AGBL1: variants seen among roughly 807,000 people sequenced by gnomAD.
AGBL1 encodes the protein cytosolic carboxypeptidase 4.
Under a neutral mutation model 118.9 loss-of-function variants are expected in AGBL1, and 130 were observed. That is an observed-to-expected ratio of 1.09 (90% confidence interval 0.95 to 1.26). The LOEUF (loss-of-function observed/expected upper bound fraction) is 1.26, where lower values mean the gene tolerates loss of function less well. Among genes scored for constraint, AGBL1 ranks in the 50% most tolerant of loss-of-function variants. The pLI is 0.00. For missense variants in AGBL1, 1,584 were observed against 1,298.1 expected, an observed-to-expected ratio of 1.22 and a Z score of -3.38; for synonymous variants, 555 against 478.9, an observed-to-expected ratio of 1.16 and a Z score of -2.08.
chr15:86,454,819 T>C (rs1397369588), intron 18 of AGBL1, among the ~76,000 whole-genome samples: 1 of 152,198 alleles, frequency 6.6e-6, no homozygotes, highest in Non-Finnish European at 1.5e-5. Context: ...ATTACAGAGA[T>C]GTACCCGCTT....
intron 18 of AGBL1, among the ~76,000 whole-genome samples, chr15:86,419,467 A>G (rs2081754183): frequency 6.6e-6 from 1 of 152,070 alleles, no homozygotes; most frequent in Non-Finnish European, 1.5e-5. Flanking sequence ...CAACCGGCAG[A>G]CCAGGAGAAT....
intron 17 of AGBL1, among the ~76,000 whole-genome samples, chr15:86,349,459 A>G (rs1040647887): frequency 1.3e-5 from 2 of 152,064 alleles, no homozygotes; most frequent in Non-Finnish European, 2.9e-5. Context: ...TATGTTTGCA[A>G]TTTCTCACCT....
intron 18 of AGBL1, among the ~76,000 whole-genome samples, chr15:86,489,512 C>G (rs1832947909): frequency 6.6e-6 from 1 of 152,004 alleles, no homozygotes; most frequent in Admixed American, 6.6e-5. Flanking sequence ...AGAATAAAAC[C>G]AGAAGGAGCA....
chr15:86,902,938 G>A (rs1453760711), intron 22 of AGBL1, among the ~76,000 whole-genome samples: 1 of 152,066 alleles, frequency 6.6e-6, no homozygotes, highest in Non-Finnish European at 1.5e-5. Flanking sequence ...TGTATCTGTA[G>A]GTTTATGTCC....
intron 15 of AGBL1, among the ~76,000 whole-genome samples, chr15:86,279,278 G>A (rs1166756511): frequency 1.3e-5 from 2 of 152,192 alleles, no homozygotes; most frequent in East Asian, 3.9e-4. Flanking sequence ...GGGTGATAAA[G>A]TTTATGTCTC....
At chr15:86,139,059 A>G (rs904671710) in intron 1 of AGBL1, among the ~76,000 whole-genome samples, 12 of 152,212 alleles carry the variant, frequency 7.9e-5, no homozygotes, top group African/African-American at 2.9e-4. Flanking sequence ...ACACGTATAT[A>G]TCACAGTTGC....
At chr15:86,545,807 G>A (rs576364385) in intron 19 of AGBL1, among the ~76,000 whole-genome samples, 195 bp from the exon 20 acceptor site, 15 of 152,122 alleles carry the variant, frequency 9.9e-5, no homozygotes, top group South Asian at 4.1e-4. Context: ...TAACTCCATC[G>A]ATACAATCAA....
At chr15:86,836,245 C>T (rs1000926130) in intron 22 of AGBL1, among the ~76,000 whole-genome samples, 1 of 152,098 alleles carries the variant, frequency 6.6e-6, no homozygotes, top group Non-Finnish European at 1.5e-5. Context: ...GTTCAATAGG[C>T]CCCATGGGTA....
chr15:86,925,108 G>GTCT (rs2080518054), intron 23 of AGBL1, among the ~76,000 whole-genome samples: 1 of 66,248 alleles, frequency 1.5e-5, no homozygotes, highest in African/African-American at 4.8e-5. Flanking sequence ...TCAAGAAGAA[G>GTCT]AAGAAGAAGA....
Position 86,386,869 on chromosome 15 carries a change from A to G in AGBL1, c.2375-10497A>G, listed in dbSNP as rs565921167. Among the ~76,000 whole-genome samples, 203 of 152,300 alleles carry G rather than the reference A, an allele frequency of 1.3e-3. 1 individual carries two copies. The highest frequency in any genetic ancestry group is 4.8e-3 in the African/African-American group (198 of 41,570). On this transcript the variant is annotated intron_variant, in intron 17 of 22. Transcript: ENST00000614907. ...GTGCCTGTTGCATCACAAGACCTCA[A>G]TAAATAAATATTCTTTGAATGAATG...
intron 1 of AGBL1, among the ~76,000 whole-genome samples, chr15:86,141,056 T>C (rs1460111445): frequency 6.6e-6 from 1 of 152,172 alleles, no homozygotes; most frequent in East Asian, 1.9e-4. Context: ...CCTCCAAATA[T>C]CTTACAGTGC....
intron 24 of AGBL1, among the ~76,000 whole-genome samples, chr15:87,005,707 C>T (rs2081492145): frequency 6.6e-6 from 1 of 152,188 alleles, no homozygotes; most frequent in African/African-American, 2.4e-5. Context: ...GTCATTCTCT[C>T]TCTGTCCAGC....
chr15:86,898,462 G>A (rs1298926664), intron 22 of AGBL1, among the ~76,000 whole-genome samples: 2 of 152,272 alleles, frequency 1.3e-5, no homozygotes, highest in East Asian at 1.9e-4. Flanking sequence ...TGAATAGGTA[G>A]TCTTTTTCCC....
In AGBL1 at chr15:86,257,947, T is replaced by G; in HGVS notation, c.902-17T>G. ...AAGGGGAAACTTCACTTATTTCACC[T>G]CTTTTTCCCCATCCAGAGGATTTTG... is the stretch of plus-strand genomic sequence containing the variant. On this transcript the variant is annotated splice_polypyrimidine_tract_variant and intron_variant, in intron 8 of 22. Coordinates refer to ENST00000614907, the MANE Select transcript of AGBL1 (RefSeq NM_001386094.1). 6.2e-7 allele frequency: 1 copy of G among 1,611,794 alleles called. No homozygotes were observed. The highest frequency in any genetic ancestry group is 8.5e-7 in the Non-Finnish European group (1 of 1,179,116).
At chr15:86,880,666 AG>A (rs1030806577) in intron 22 of AGBL1, among the ~76,000 whole-genome samples, 7 of 151,680 alleles carry the variant, frequency 4.6e-5, no homozygotes, top group Non-Finnish European at 1.0e-4. Flanking sequence ...TGTGGATGTG[AG>A]TGGGTGTGGA....
chr15:86,307,085 T>C (rs1246064137), intron 17 of AGBL1, among the ~76,000 whole-genome samples: 1 of 152,056 alleles, frequency 6.6e-6, no homozygotes, highest in African/African-American at 2.4e-5. Flanking sequence ...CAGAGGGGAG[T>C]TTTAAAAAAT....
chr15:86,970,144 C>T (rs981091347), intron 23 of AGBL1, among the ~76,000 whole-genome samples: 20 of 151,846 alleles, frequency 1.3e-4, no homozygotes, highest in Admixed American at 1.2e-3. Context: ...AAGTGGAGCC[C>T]AGGCCAAGGC....
At chr15:86,752,745 GA>G (rs996126076) in intron 22 of AGBL1, among the ~76,000 whole-genome samples, 39 of 152,204 alleles carry the variant, frequency 2.6e-4, no homozygotes, top group Non-Finnish European at 4.9e-4. Context: ...TATTCTGGGA[GA>G]AAAAGTTGTT....
chr15:86,800,202 TAACC>T (rs1464938549), intron 22 of AGBL1, among the ~76,000 whole-genome samples: 1 of 152,114 alleles, frequency 6.6e-6, no homozygotes, highest in Non-Finnish European at 1.5e-5. Context: ...TCCTGGCAAT[TAACC>T]AACACATCAT....
Sources: gnomAD v4.1 joint callset for allele counts (sites outside exome capture counted in the v4.1 genomes callset) on GRCh38, gnomAD v4.1.1 for gene constraint, MANE v1.5 for transcripts, NCBI Gene and HGNC (gene_info 2026-07-23, HGNC 2026-07-21) for gene names.